The following CELF4 variants were observed in gnomAD, a reference collection of about 807,000 sequenced individuals.
CELF4 encodes CUGBP Elav-like family member 4.
Under a neutral mutation model 59.9 loss-of-function variants are expected in CELF4, and 18 were observed. That is an observed-to-expected ratio of 0.30 (90% CI 0.21 to 0.45). The LOEUF is 0.45. Among genes scored for constraint, CELF4 ranks in the 20% least tolerant of loss-of-function variants. CELF4 has a pLI of 1.00. For missense variants in CELF4, 456 were observed against 689.0 expected (o/e 0.66, Z 3.79); for synonymous variants, 261 against 267.1 (o/e 0.98, Z 0.22).
At chr18:37,562,092 A>G (rs8089968) in intron 1 of CELF4, among the ~76,000 whole-genome samples, 150,861 of 152,206 alleles carry the variant, frequency 0.99, 74,782 homozygotes, top group Middle Eastern at 1. Flanking sequence ...TTACCTTTAC[A>G]GTAATCACCC....
At chr18:37,270,667 A>T (rs1261269941) in intron 8 of CELF4, 101 bp downstream of exon 8, 31 of 1,401,556 alleles carry the variant, frequency 2.2e-5, no homozygotes, top group Non-Finnish European at 3.0e-5. Flanking sequence ...CAAGGAATGG[A>T]CAGAGGGCAG....
chr18:37,385,672 C>T (rs1044509141), intron 2 of CELF4, among the ~76,000 whole-genome samples: 1 of 152,220 alleles, frequency 6.6e-6, no homozygotes, highest in Non-Finnish European at 1.5e-5. Flanking sequence ...CCAGCCCTCC[C>T]TGACCTCCTG....
At chr18:37,280,052 T>C (rs77770028) in intron 3 of CELF4, among the ~76,000 whole-genome samples, 7,095 of 152,218 alleles carry the variant, frequency 0.047, 554 homozygotes, top group African/African-American at 0.16. Flanking sequence ...AGGACGTAGG[T>C]GCTCATCCCA....
intron 2 of CELF4, among the ~76,000 whole-genome samples, chr18:37,376,412 G>T (rs1416146432): frequency 6.6e-6 from 1 of 152,166 alleles, no homozygotes; most frequent in Non-Finnish European, 1.5e-5. Flanking sequence ...GCCCAGCCAG[G>T]CCACTTCTCT....
chr18:37,464,890 C>T (rs145196504), intron 2 of CELF4, among the ~76,000 whole-genome samples: 7 of 152,180 alleles, frequency 4.6e-5, no homozygotes, highest in Admixed American at 4.6e-4. Flanking sequence ...GATGTTCTCC[C>T]GGGATAACTA....
intron 2 of CELF4, among the ~76,000 whole-genome samples, chr18:37,392,042 G>C (rs530997988): frequency 6.6e-6 from 1 of 152,236 alleles, no homozygotes; most frequent in African/African-American, 2.4e-5. Flanking sequence ...CACCAGAACC[G>C]AATTCAGGGA....
chr18:37,543,689 G>C (rs2099979333), intron 1 of CELF4, among the ~76,000 whole-genome samples: 1 of 152,150 alleles, frequency 6.6e-6, no homozygotes, highest in Non-Finnish European at 1.5e-5. Flanking sequence ...TGGGAATATG[G>C]GTGTCCTCTT....
chr18:37,396,288 T>G (rs1054370144), intron 2 of CELF4, among the ~76,000 whole-genome samples: 3 of 152,194 alleles, frequency 2.0e-5, no homozygotes, highest in Non-Finnish European at 4.4e-5. Flanking sequence ...TCAGTGCTCT[T>G]GTGCAGCCTG....
At chr18:37,531,178 G>C (rs922957363) in intron 1 of CELF4, among the ~76,000 whole-genome samples, 5 of 152,224 alleles carry the variant, frequency 3.3e-5, no homozygotes, top group African/African-American at 1.2e-4. Context: ...GGCCAGGGCT[G>C]CCTGTCCTGA....
chr18:37,259,372 GGCAAGGTTAGGA>G, intron 10 of CELF4, 108 bp from the exon 11 acceptor site: 1 of 341,526 alleles, frequency 2.9e-6, no homozygotes, highest in African/African-American at 2.2e-5. Context: ...GAGGGGTGGG[GGCAAGGTTAGGA>G]GGGGGAGTCT....
chr18:37,545,352 C>G (rs944320336), intron 1 of CELF4, among the ~76,000 whole-genome samples: 2 of 152,196 alleles, frequency 1.3e-5, no homozygotes, highest in African/African-American at 4.8e-5. Context: ...AAATGACTCA[C>G]GCTGGAGCCA....
intron 3 of CELF4, among the ~76,000 whole-genome samples, chr18:37,301,866 C>T (rs2096065444): frequency 6.6e-6 from 1 of 152,170 alleles, no homozygotes; most frequent in African/African-American, 2.4e-5. Context: ...GGGAAAGTTC[C>T]TGTCCACGGA....
At chr18:37,499,108 TA>T (rs1422159400) in intron 1 of CELF4, among the ~76,000 whole-genome samples, 2 of 152,170 alleles carry the variant, frequency 1.3e-5, no homozygotes, top group African/African-American at 4.8e-5. Flanking sequence ...TACACACTCA[TA>T]GGGGACAGGG....
At chr18:37,429,333 T>G (rs1001704140) in intron 2 of CELF4, among the ~76,000 whole-genome samples, 1 of 152,076 alleles carries the variant, frequency 6.6e-6, no homozygotes, top group African/African-American at 2.4e-5. Flanking sequence ...TTGGGGAGCA[T>G]GTGTATGTGC....
intron 1 of CELF4, among the ~76,000 whole-genome samples, chr18:37,534,474 T>C (rs2099971941): frequency 6.6e-6 from 1 of 152,158 alleles, no homozygotes; most frequent in African/African-American, 2.4e-5. Flanking sequence ...CTTATGCTAA[T>C]AGCAGACCGT....
At chr18:37,561,372 A>AGG (rs1297136923) in intron 1 of CELF4, among the ~76,000 whole-genome samples, 1 of 152,242 alleles carries the variant, frequency 6.6e-6, no homozygotes, top group Non-Finnish European at 1.5e-5. Flanking sequence ...AAGGCTGTTT[A>AGG]AACCTTTGGG....
At chr18:37,454,932 C>T (rs1356933979) in intron 2 of CELF4, among the ~76,000 whole-genome samples, 12 of 152,174 alleles carry the variant, frequency 7.9e-5, no homozygotes, top group African/African-American at 2.4e-4. Flanking sequence ...GTCTCCAGCA[C>T]GAGGACATGG....
chr18:37,387,594 C>A (rs866199186), intron 2 of CELF4, among the ~76,000 whole-genome samples: 1 of 152,162 alleles, frequency 6.6e-6, no homozygotes, highest in Non-Finnish European at 1.5e-5. Flanking sequence ...CCCAGAGTCT[C>A]GATGTAAAGT....
At chr18:37,502,398 G>C (rs928282216) in intron 1 of CELF4, among the ~76,000 whole-genome samples, 8 of 152,130 alleles carry the variant, frequency 5.3e-5, no homozygotes, top group Non-Finnish European at 1.2e-4. Flanking sequence ...GGAAGGGGGG[G>C]CAGGGAGAGT....
Sources: gnomAD v4.1 joint callset for allele counts (sites outside exome capture counted in the v4.1 genomes callset) on GRCh38, gnomAD v4.1.1 for gene constraint, MANE v1.5 for transcripts, NCBI Gene and HGNC (gene_info 2026-07-23, HGNC 2026-07-21) for gene names.